DLGAP1: variants seen among roughly 807,000 people sequenced by gnomAD.
DLGAP1 encodes disks large-associated protein 1.
In DLGAP1, 11 loss-of-function variants were observed where a neutral mutation model predicts 90.8. That is an observed-to-expected ratio of 0.12 (90% CI 0.08 to 0.20). The LOEUF (loss-of-function observed/expected upper bound fraction) is 0.20, where lower values mean the gene tolerates loss of function less well. Ranked by LOEUF, DLGAP1 falls within the 10% of genes least tolerant of loss-of-function variation. The pLI is 1.00. For missense variants in DLGAP1, 1,050 were observed against 1,333.8 expected, an observed-to-expected ratio of 0.79 and a Z score of 3.31; for synonymous variants, 558 against 540.7, an observed-to-expected ratio of 1.03 and a Z score of -0.44.
chr18:4,419,693 A>G (rs1176666145), intron 1 of DLGAP1, among the ~76,000 whole-genome samples: 1 of 152,120 alleles, frequency 6.6e-6, no homozygotes, highest in Non-Finnish European at 1.5e-5. Flanking sequence ...TAATGCATGC[A>G]GTGGGATTAT....
chr18:3,872,207 C>T (rs1270138325), intron 4 of DLGAP1, among the ~76,000 whole-genome samples: 10 of 132,362 alleles, frequency 7.6e-5, no homozygotes, highest in Non-Finnish European at 1.1e-4. Flanking sequence ...TCTTTAATCA[C>T]GTGAGTGCTC....
chr18:4,175,834 G>T (rs947087035), intron 1 of DLGAP1, among the ~76,000 whole-genome samples: 5 of 152,168 alleles, frequency 3.3e-5, no homozygotes, highest in African/African-American at 1.2e-4. Context: ...CTGTAACCTT[G>T]TAGTATAATT....
chr18:3,702,249 G>A (rs759824191), intron 7 of DLGAP1, among the ~76,000 whole-genome samples: 10 of 152,188 alleles, frequency 6.6e-5, no homozygotes, highest in East Asian at 3.9e-4. Flanking sequence ...GGTTGGTCTC[G>A]AACTCCTGAC....
chr18:4,319,022 T>C (rs2080606447), intron 1 of DLGAP1, among the ~76,000 whole-genome samples: 1 of 152,186 alleles, frequency 6.6e-6, no homozygotes, highest in African/African-American at 2.4e-5. Context: ...CAAAAAATTA[T>C]AACAGTGTGA....
chr18:4,357,135 GTTCT>G (rs1304753660), intron 1 of DLGAP1, among the ~76,000 whole-genome samples: 72 of 135,254 alleles, frequency 5.3e-4, no homozygotes, highest in African/African-American at 1.8e-3. Context: ...TTCTTTCTTT[GTTCT>G]TTCTCTTTGT....
At chr18:4,326,829 A>G (rs2080828613) in intron 1 of DLGAP1, among the ~76,000 whole-genome samples, 1 of 152,134 alleles carries the variant, frequency 6.6e-6, no homozygotes, top group African/African-American at 2.4e-5. Context: ...GGAGGAGAAC[A>G]ACAGACAGTG....
chr18:3,645,051 A>T (rs1043492035), intron 7 of DLGAP1, among the ~76,000 whole-genome samples: 1 of 152,210 alleles, frequency 6.6e-6, no homozygotes, highest in Non-Finnish European at 1.5e-5. Context: ...GTTAAGGGGA[A>T]TGGGAACTGT....
At chr18:4,304,693 G>A (rs1024571152) in intron 1 of DLGAP1, among the ~76,000 whole-genome samples, 4 of 152,216 alleles carry the variant, frequency 2.6e-5, no homozygotes, top group African/African-American at 9.6e-5. Context: ...CACTTTGGGA[G>A]GCTGAGGAGG....
chr18:4,214,601 TG>T (rs2077913523), intron 1 of DLGAP1, among the ~76,000 whole-genome samples: 1 of 152,200 alleles, frequency 6.6e-6, no homozygotes, highest in Non-Finnish European at 1.5e-5. Flanking sequence ...CAGTTTGCAG[TG>T]GAAAGCCCTG....
chr18:3,912,713 G>A (rs2072062602), intron 3 of DLGAP1, among the ~76,000 whole-genome samples: 1 of 152,200 alleles, frequency 6.6e-6, no homozygotes, highest in African/African-American at 2.4e-5. Flanking sequence ...AGGCTGGTGT[G>A]TCCACAAGCG....
chr18:3,713,003 T>C (rs1422638127), intron 7 of DLGAP1, among the ~76,000 whole-genome samples: 1 of 152,228 alleles, frequency 6.6e-6, no homozygotes, highest in African/African-American at 2.4e-5. Context: ...GCAAAAGCTC[T>C]AGTACTGGCC....
intron 1 of DLGAP1, among the ~76,000 whole-genome samples, chr18:4,441,779 A>G (rs1030808473): frequency 2.0e-5 from 3 of 152,348 alleles, no homozygotes; most frequent in African/African-American, 7.2e-5. Context: ...TACTAGAGAT[A>G]CATTTCTGAC....
intron 3 of DLGAP1, among the ~76,000 whole-genome samples, chr18:3,973,952 G>T (rs940608105): frequency 6.6e-6 from 1 of 152,184 alleles, no homozygotes; most frequent in Non-Finnish European, 1.5e-5. Context: ...AGAGCCCATC[G>T]CTCCTAGGCT....
chr18:4,185,686 T>C (rs981602347), intron 1 of DLGAP1, among the ~76,000 whole-genome samples: 1 of 152,104 alleles, frequency 6.6e-6, no homozygotes, highest in Non-Finnish European at 1.5e-5. Flanking sequence ...TTGAATGCCA[T>C]TGAGGGACAT....
chr18:4,187,534 ATT>A (rs746447954), intron 1 of DLGAP1, among the ~76,000 whole-genome samples: 2 of 152,178 alleles, frequency 1.3e-5, no homozygotes, highest in Non-Finnish European at 2.9e-5. Flanking sequence ...GTACATTAAT[ATT>A]GTGTGTATAA....
At chr18:3,640,598 G>A (rs920517484) in intron 7 of DLGAP1, among the ~76,000 whole-genome samples, 11 of 152,258 alleles carry the variant, frequency 7.2e-5, no homozygotes, top group Non-Finnish European at 1.3e-4. Flanking sequence ...GCTGCACTCA[G>A]GACCCTGGGG....
At chr18:3,534,091 G>T in intron 10 of DLGAP1, 103 bp downstream of exon 10, 2 of 1,329,146 alleles carry the variant, frequency 1.5e-6, no homozygotes, top group East Asian at 4.7e-5. Flanking sequence ...GGAACGTCAA[G>T]GTTATACAAG....
chr18:3,578,503 T>C (rs2055289766), intron 8 of DLGAP1, among the ~76,000 whole-genome samples: 2 of 151,876 alleles, frequency 1.3e-5, no homozygotes. Context: ...ACTACAGGCG[T>C]GTGCCACCAC....
At chr18:3,949,793 T>C (rs1304998792) in intron 3 of DLGAP1, among the ~76,000 whole-genome samples, 1 of 152,228 alleles carries the variant, frequency 6.6e-6, no homozygotes, top group Non-Finnish European at 1.5e-5. Flanking sequence ...AGATCATTTA[T>C]AATATGGGTG....
Sources: allele counts gnomAD v4.1 joint callset (sites outside exome capture counted in the v4.1 genomes callset), GRCh38; gene constraint gnomAD v4.1.1; transcripts MANE v1.5; gene names NCBI Gene and HGNC (gene_info 2026-07-23, HGNC 2026-07-21).